The following CHRM3 variants were observed in gnomAD, a reference collection of about 807,000 sequenced individuals.
CHRM3 encodes the protein muscarinic acetylcholine receptor M3.
In CHRM3, 11 loss-of-function variants were observed where a neutral mutation model predicts 41.8. The ratio of observed to expected loss-of-function variants is 0.26; its 90% CI spans 0.17 to 0.44. The LOEUF (loss-of-function observed/expected upper bound fraction) is 0.44. Among genes scored for constraint, CHRM3 ranks in the 20% least tolerant of loss-of-function variants. CHRM3 has a pLI of 1.00. For synonymous variants in CHRM3, 297 were observed against 301.4 expected (o/e 0.99, Z 0.15); for missense variants, 571 against 745.4 (o/e 0.77, Z 2.72).
chr1:239,488,714 CAAAAAAAAAAAAAAAAAA>C (rs763682628), intron 1 of CHRM3, among the ~76,000 whole-genome samples: 40 of 46,222 alleles, frequency 8.7e-4, no homozygotes, highest in South Asian at 1.4e-3. Context: ...GACTCCTTCT[CAAAAAAAAAAAAAAAAAA>C]AAAAAAAAAA....
chr1:239,612,456 T>G, intron 3 of CHRM3, among the ~76,000 whole-genome samples: 1 of 152,196 alleles, frequency 6.6e-6, no homozygotes, highest in East Asian at 1.9e-4. Flanking sequence ...CAGAAAATAT[T>G]TCTCCCTGTT....
chr1:239,834,772 G>A (rs477507), intron 6 of CHRM3, among the ~76,000 whole-genome samples: 148,746 of 152,228 alleles, frequency 0.98, 72,774 homozygotes, highest in Middle Eastern at 1. Context: ...CACCAACTAG[G>A]TTGAAAATTG....
intron 3 of CHRM3, among the ~76,000 whole-genome samples, chr1:239,616,932 G>T (rs1468593084): frequency 1.3e-5 from 2 of 151,666 alleles, no homozygotes; most frequent in Admixed American, 6.6e-5. Flanking sequence ...TTTTACGATG[G>T]TATAGAGTCT....
intron 1 of CHRM3, among the ~76,000 whole-genome samples, chr1:239,461,437 C>T (rs1043872139): frequency 4.1e-4 from 62 of 152,158 alleles, no homozygotes; most frequent in Admixed American, 2.3e-3. Context: ...AAAGCTGATT[C>T]TATTTATTTA....
intron 1 of CHRM3, among the ~76,000 whole-genome samples, chr1:239,467,149 A>G (rs1266043672): frequency 1.3e-5 from 2 of 152,146 alleles, no homozygotes; most frequent in Non-Finnish European, 2.9e-5. Flanking sequence ...GTGACCCCTC[A>G]CTATAAGAAT....
At chr1:239,618,843 GAAAAAAAAAA>G (rs1174760989) in intron 3 of CHRM3, among the ~76,000 whole-genome samples, 2 of 76,784 alleles carry the variant, frequency 2.6e-5, no homozygotes, top group African/African-American at 1.0e-4. Context: ...GACTCTGTCA[GAAAAAAAAAA>G]AAAAAAAAGT....
chr1:239,408,108 T>G (rs1256129322), intron 1 of CHRM3: 1 of 152,130 alleles, frequency 6.6e-6, no homozygotes, highest in Admixed American at 6.6e-5. Flanking sequence ...GGTGGTTACC[T>G]CCATGCTGTT....
Position 239,676,802 on chromosome 1 carries a change from C to T in CHRM3, c.-249-1384C>T, listed in dbSNP as rs530518799. Among the ~76,000 whole-genome samples the T allele has an allele frequency of 4.6e-5, 7 of 152,254 alleles. 1 individual carries two copies. Among genetic ancestry groups the T allele is most frequent in the South Asian group, 4.1e-4 (2 of 4,824 alleles). The stretch of plus-strand genomic sequence containing the variant: ...ATGAGATAATGTGTGCAAATGATTT[C>T]GGGACGAGTTTCAAATTCTGAAAAT... On this transcript the variant is annotated intron_variant, in intron 4 of 6. Coordinates refer to ENST00000676153, the MANE Select transcript of CHRM3 (RefSeq NM_001375978.1).
intron 1 of CHRM3, among the ~76,000 whole-genome samples, chr1:239,476,699 A>T (rs1260651381): frequency 6.6e-6 from 1 of 152,204 alleles, no homozygotes; most frequent in African/African-American, 2.4e-5. Flanking sequence ...AAAAAGGATG[A>T]CATATCATTT....
chr1:239,471,022 T>C (rs139221482), intron 1 of CHRM3, among the ~76,000 whole-genome samples: 1 of 152,306 alleles, frequency 6.6e-6, no homozygotes, highest in Admixed American at 6.5e-5. Flanking sequence ...AGGGGCTGAG[T>C]TTCCAGCCTA....
intron 3 of CHRM3, among the ~76,000 whole-genome samples, chr1:239,613,081 T>C (rs1406486115): frequency 6.6e-6 from 1 of 152,214 alleles, no homozygotes; most frequent in Non-Finnish European, 1.5e-5. Flanking sequence ...CCGAAAACTA[T>C]ATGGCAAATG....
At position 239,861,876 on chromosome 1, in the gene CHRM3, A is replaced by G. The variant is rs557948319; in HGVS notation, c.-20+34498A>G. Among the ~76,000 whole-genome samples the G allele has an allele frequency of 3.7e-4, 57 of 152,346 alleles. No homozygotes were observed. In the Middle Eastern group the frequency reaches 0.01, roughly 27 times the overall value. ...GAAAACTGACTAAATACCATTTAAT[A>G]GAAAGAAAACAATGGTTTTTGAAGA... On this transcript the variant is annotated intron_variant, in intron 6 of 6. Transcript: ENST00000676153.
At chr1:239,648,871 C>T (rs945911948) in intron 4 of CHRM3, among the ~76,000 whole-genome samples, 4 of 152,104 alleles carry the variant, frequency 2.6e-5, no homozygotes, top group African/African-American at 9.7e-5. Context: ...ACATGACTGA[C>T]ACATGAATCA....
intron 2 of CHRM3, among the ~76,000 whole-genome samples, chr1:239,533,708 G>T (rs537406465): frequency 1.5e-4 from 20 of 137,802 alleles, no homozygotes; most frequent in Non-Finnish European, 2.1e-4. Context: ...TCCAGCCTGG[G>T]CAACAAGAGC....
chr1:239,612,898 T>G (rs1231672877), intron 3 of CHRM3, among the ~76,000 whole-genome samples: 2 of 152,146 alleles, frequency 1.3e-5, no homozygotes, highest in Non-Finnish European at 2.9e-5. Context: ...GCTCCTTAAA[T>G]TTTTCAGACT....
intron 6 of CHRM3, among the ~76,000 whole-genome samples, chr1:239,847,941 A>AGAGAG (rs1217325431): frequency 2.0e-5 from 3 of 146,986 alleles, no homozygotes; most frequent in African/African-American, 7.5e-5. Flanking sequence ...AGAGAAGAGA[A>AGAGAG]GAGAGGAGGG....
Position 239,908,335 on chromosome 1 carries a change from T to C in CHRM3, c.884T>C (p.Leu295Pro). 1 of 1,614,044 alleles carries C rather than the reference T, an allele frequency of 6.2e-7. No homozygotes were observed. The highest frequency in any genetic ancestry group is 8.5e-7 in the Non-Finnish European group (1 of 1,180,014). ...GSSRSCSSYE[L>P]QQQSMKRSNR... Reference sequence around the variant, plus strand: ...TCTCGAAGCTGCAGCAGTTACGAACTTCAACAGCAAAGCATGAAACGCTCC... The same window carrying C: ...TCTCGAAGCTGCAGCAGTTACGAACCTCAACAGCAAAGCATGAAACGCTCC... The change falls in exon 7 of 7, where the codon CTT becomes CCT. Residue 295 changes from leucine to proline, a missense_variant. This residue lies in a region of CHRM3 where 239 missense variants were observed against 239.6 expected (regional missense o/e 1.00). Transcript: ENST00000676153. The surrounding 1 kb of genome is among the most constrained non-coding windows in gnomAD (Gnocchi z 7.2).
chr1:239,632,056 A>G (rs1040870487), intron 3 of CHRM3, 168 bp from the exon 4 acceptor site: 2 of 152,226 alleles, frequency 1.3e-5, no homozygotes, highest in African/African-American at 4.8e-5. Flanking sequence ...CTCTTCAGGT[A>G]CATGAGGTTA....
intron 3 of CHRM3, among the ~76,000 whole-genome samples, chr1:239,580,704 T>TATATATATATATATATATACATACAC (rs570878631): frequency 3.8e-5 from 5 of 131,084 alleles, no homozygotes; most frequent in Non-Finnish European, 8.0e-5. Flanking sequence ...TATATATATA[T>TATATATATATATATATATACATACAC]ACACACACAC....
Sources: allele counts gnomAD v4.1 joint callset (sites outside exome capture counted in the v4.1 genomes callset), GRCh38; gene constraint gnomAD v4.1.1; regional missense constraint gnomAD v4.1.1; non-coding constraint Gnocchi (gnomAD v3.1); transcripts MANE v1.5; gene names NCBI Gene and HGNC (gene_info 2026-07-23, HGNC 2026-07-21).